Variants in CEP112 observed in about 807,000 individuals in gnomAD.
CEP112 encodes centrosomal protein 112, also known as centrosomal protein of 112 kDa.
In CEP112, 127 loss-of-function variants were observed where a neutral mutation model predicts 153.0. The observed-to-expected ratio is 0.83, with a 90% CI of 0.72 to 0.96. The LOEUF is 0.96. Ranked by LOEUF, CEP112 falls within the 40% of genes least tolerant of loss-of-function variation. CEP112 has a pLI of 0.00. For synonymous variants in CEP112, 358 were observed against 374.4 expected, an observed-to-expected ratio of 0.96 and a Z score of 0.51; for missense variants, 1,089 against 1,101.2, an observed-to-expected ratio of 0.99 and a Z score of 0.16.
intron 19 of CEP112, among the ~76,000 whole-genome samples, chr17:65,910,784 C>T (rs927360848): frequency 1.1e-4 from 17 of 152,068 alleles, no homozygotes; most frequent in African/African-American, 4.1e-4. Flanking sequence ...CCGAAAATTT[C>T]CCTAAAATGA....
intron 24 of CEP112, among the ~76,000 whole-genome samples, chr17:65,651,626 G>A (rs1021722499): frequency 5.3e-5 from 8 of 151,808 alleles, no homozygotes; most frequent in Admixed American, 1.3e-4. Flanking sequence ...TTTGATTATG[G>A]TCATTCCTTC....
At chr17:65,917,048 G>A (rs1030324259) in intron 19 of CEP112, among the ~76,000 whole-genome samples, 2 of 152,202 alleles carry the variant, frequency 1.3e-5, no homozygotes, top group South Asian at 4.1e-4. Context: ...TAGCCTCACA[G>A]CCTGGGGCTC....
intron 12 of CEP112, among the ~76,000 whole-genome samples, chr17:66,040,897 G>T (rs1458534771): frequency 6.6e-6 from 1 of 151,876 alleles, no homozygotes; most frequent in Admixed American, 6.6e-5. Context: ...TCCCTTTTAA[G>T]AAACCTTTGA....
intron 20 of CEP112, among the ~76,000 whole-genome samples, chr17:65,869,972 A>C (rs2058601227): frequency 6.6e-6 from 1 of 150,750 alleles, no homozygotes; most frequent in African/African-American, 2.4e-5. Flanking sequence ...AGAAAAAAAA[A>C]TTATCTTGCC....
In CEP112 at chr17:65,988,039, A is replaced by G. The variant is rs143763407; in HGVS notation, c.1736+17651T>C. ...CTCTGTTCTGTAACTTGGCCAAAAAAGACACCAAATCAGAGTGACTGTTCA... is the reference window on the plus strand; with the variant it reads ...CTCTGTTCTGTAACTTGGCCAAAAAGGACACCAAATCAGAGTGACTGTTCA... On this transcript the variant is annotated intron_variant, in intron 17 of 26. Transcript: ENST00000535342. Among the ~76,000 whole-genome samples, 207 of 152,292 alleles carry G rather than the reference A, an allele frequency of 1.4e-3. 1 individual carries two copies. Among genetic ancestry groups the G allele is most frequent in the Non-Finnish European group, 2.5e-3 (173 of 68,026 alleles).
chr17:65,645,577 T>C (rs1449600844), intron 24 of CEP112, among the ~76,000 whole-genome samples: 5 of 152,258 alleles, frequency 3.3e-5, no homozygotes, highest in Non-Finnish European at 7.3e-5. Context: ...TGTTGACTTA[T>C]ATCATCTTTA....
chr17:65,640,027 G>A (rs1283820945), intron 25 of CEP112, among the ~76,000 whole-genome samples: 2 of 149,290 alleles, frequency 1.3e-5, no homozygotes, highest in Non-Finnish European at 3.0e-5. Context: ...TAGTAGAGAC[G>A]GGGTTTCACC....
intron 17 of CEP112, among the ~76,000 whole-genome samples, chr17:65,998,842 C>T (rs937142880): frequency 1.3e-5 from 2 of 152,120 alleles, no homozygotes; most frequent in African/African-American, 4.8e-5. Context: ...CCTAAGGTCA[C>T]ACAGTAATTT....
intron 20 of CEP112, among the ~76,000 whole-genome samples, chr17:65,863,489 C>T (rs907742451): frequency 1.1e-4 from 17 of 151,958 alleles, no homozygotes; most frequent in Non-Finnish European, 4.4e-5. Context: ...CAAAATGGGC[C>T]GGGCGCGGTG....
chr17:66,135,325 C>T (rs775882133), intron 4 of CEP112, among the ~76,000 whole-genome samples: 3 of 152,146 alleles, frequency 2.0e-5, no homozygotes, highest in Non-Finnish European at 4.4e-5. Flanking sequence ...AGACTGTCTC[C>T]AGCTGGAAAC....
intron 6 of CEP112, among the ~76,000 whole-genome samples, chr17:66,128,345 A>C: frequency 6.6e-6 from 1 of 151,458 alleles, no homozygotes; most frequent in Admixed American, 6.6e-5. Context: ...AAGTATAAGA[A>C]AAAAAAAGAC....
chr17:66,042,451 A>G (rs2066025380), intron 12 of CEP112, among the ~76,000 whole-genome samples: 2 of 152,146 alleles, frequency 1.3e-5, no homozygotes, highest in South Asian at 4.1e-4. Context: ...CCACAACCCC[A>G]GTCTAATCAT....
At chr17:66,151,580 A>T (rs189846300) in intron 4 of CEP112, among the ~76,000 whole-genome samples, 2 of 152,220 alleles carry the variant, frequency 1.3e-5, no homozygotes, top group Admixed American at 6.5e-5. Flanking sequence ...AGCTTCCATC[A>T]TGCTTACCTC....
At chr17:66,102,796 C>CAAA (rs11416184) in intron 6 of CEP112, among the ~76,000 whole-genome samples, 1 of 99,638 alleles carries the variant, frequency 1.0e-5, no homozygotes, top group African/African-American at 4.2e-5. Context: ...GACTCCATCT[C>CAAA]AAAAAAAAAA....
intron 24 of CEP112, among the ~76,000 whole-genome samples, chr17:65,659,508 CTTAGGCA>C (rs2046240062): frequency 1.3e-5 from 2 of 152,316 alleles, no homozygotes; most frequent in South Asian, 4.2e-4. Flanking sequence ...CCCGGATTTA[CTTAGGCA>C]GCTCGATGAA....
At chr17:65,667,678 T>G (rs1331473997) in intron 24 of CEP112, among the ~76,000 whole-genome samples, 1 of 152,144 alleles carries the variant, frequency 6.6e-6, no homozygotes, top group Non-Finnish European at 1.5e-5. Flanking sequence ...GTATATAGTA[T>G]TTTAAATTTC....
At chr17:65,736,203 C>G (rs2050795662) in intron 23 of CEP112, among the ~76,000 whole-genome samples, 1 of 151,876 alleles carries the variant, frequency 6.6e-6, no homozygotes, top group African/African-American at 2.4e-5. Context: ...AGGAACTGAC[C>G]TATGAGAGGT....
chr17:66,016,909 G>A (rs889619988), intron 16 of CEP112, among the ~76,000 whole-genome samples: 1 of 152,166 alleles, frequency 6.6e-6, no homozygotes, highest in African/African-American at 2.4e-5. Context: ...ATGGATTTGT[G>A]TCCCTGTTCC....
rs531988203 is a variant in CEP112, at chr17:65,938,683, T to C, written c.1873-10994A>G. Reference sequence around the variant, plus strand: ...CTCTGTATGCTGATGACATAAACTATATACAGAAAACCCTAAGGATTCCAC... The same window carrying C: ...CTCTGTATGCTGATGACATAAACTACATACAGAAAACCCTAAGGATTCCAC... On this transcript the variant is annotated intron_variant, in intron 18 of 26. Coordinates refer to ENST00000535342, the MANE Select transcript of CEP112 (RefSeq NM_001199165.4). Among the ~76,000 whole-genome samples, 3 of 152,262 alleles carry C rather than the reference T, an allele frequency of 2.0e-5. No homozygotes were observed. The East Asian group carries it at 5.8e-4, about 29-fold the overall frequency.
Sources: gnomAD v4.1 joint callset for allele counts (sites outside exome capture counted in the v4.1 genomes callset) on GRCh38, gnomAD v4.1.1 for gene constraint, MANE v1.5 for transcripts, NCBI Gene and HGNC (gene_info 2026-07-23, HGNC 2026-07-21) for gene names.